The following SERINC5 variants were observed in gnomAD, a reference collection of about 807,000 sequenced individuals.
SERINC5 encodes the protein chromosome 5 open reading frame 12.
Under a neutral mutation model 63.1 loss-of-function variants are expected in SERINC5, and 41 were observed. The observed-to-expected ratio is 0.65, with a 90% CI of 0.51 to 0.84. The LOEUF is 0.84. Among genes scored for constraint, SERINC5 ranks in the 40% least tolerant of loss-of-function variants. The pLI, the probability that SERINC5 is intolerant of heterozygous loss-of-function variation, is 0.00. For missense variants in SERINC5, 523 were observed against 573.0 expected, an observed-to-expected ratio of 0.91 and a Z score of 0.89; for synonymous variants, 222 against 215.2, an observed-to-expected ratio of 1.03 and a Z score of -0.28.
In SERINC5 at chr5:80,223,643, G is replaced by A. The variant is rs772902454; in HGVS notation, c.28-20590C>T. Among the ~76,000 whole-genome samples the A allele has an allele frequency of 6.7e-4, 102 of 152,064 alleles. 2 individuals are homozygous for A. Among genetic ancestry groups the A allele is most frequent in the Admixed American group, 7.9e-4 (12 of 15,252 alleles). ...CCTGAGAGCAAGTTCGAGGGTCAAA[G>A]TTCTAATTAAATTAAAATAAAATGC... On this transcript the variant is annotated intron_variant, in intron 1 of 11. Coordinates refer to ENST00000507668, the MANE Select transcript of SERINC5 (RefSeq NM_001174072.3).
chr5:80,148,189 C>CTTTTTTTTTTT (rs796769914), intron 9 of SERINC5, among the ~76,000 whole-genome samples: 1,401 of 102,132 alleles, frequency 0.014, 57 homozygotes, highest in African/African-American at 0.022. Context: ...ATTTTTTATT[C>CTTTTTTTTTTT]TTTTTTTTTT....
intron 6 of SERINC5, chr5:80,166,713 GT>G (rs1304199540): frequency 2.7e-6 from 1 of 374,400 alleles, no homozygotes; most frequent in African/African-American, 2.1e-5. Context: ...GTTCTGCCAA[GT>G]TATCTACCAA....
rs531051980 is a variant in SERINC5, at chr5:80,189,084, C to A, written c.196-11020G>T. On this transcript the variant is annotated intron_variant, in intron 2 of 11. Transcript: ENST00000507668. ...CTTATTATGTGTATCTCTCTGTTCA[C>A]ATGTAAAGTGTTGAGAAGGACAGAA... 1.4e-4 allele frequency among the ~76,000 whole-genome samples: 21 copies of A among 152,116 alleles called. No homozygotes were observed. The South Asian group carries it at 2.3e-3, about 17-fold the overall frequency.
At chr5:80,131,889 G>T (rs1744962485) in intron 11 of SERINC5, among the ~76,000 whole-genome samples, 1 of 152,102 alleles carries the variant, frequency 6.6e-6, no homozygotes, top group African/African-American at 2.4e-5. Context: ...ACTAGATTCT[G>T]TAATACTGTA....
chr5:80,128,810 G>A (rs1221845237), intron 11 of SERINC5: 1 of 152,066 alleles, frequency 6.6e-6, no homozygotes, highest in African/African-American at 2.4e-5. Flanking sequence ...GTTGCAGACT[G>A]GAACATTATA....
intron 2 of SERINC5, among the ~76,000 whole-genome samples, chr5:80,200,322 C>CAAA (rs11397908): frequency 0.12 from 15,692 of 136,056 alleles, 952 homozygotes; most frequent in East Asian, 0.16. Flanking sequence ...CTAAAAAATA[C>CAAA]AAAAAAAAAA....
intron 2 of SERINC5, among the ~76,000 whole-genome samples, chr5:80,194,433 G>C (rs567247397): frequency 6.6e-6 from 1 of 152,326 alleles, no homozygotes; most frequent in South Asian, 2.1e-4. Flanking sequence ...AAACTGCACA[G>C]TATTTTGGAT....
downstream of SERINC5, among the ~76,000 whole-genome samples, chr5:80,134,460 T>C (rs574201300): frequency 6.6e-6 from 1 of 152,344 alleles, no homozygotes; most frequent in South Asian, 2.1e-4. Context: ...CACTCCAGCC[T>C]GGGTGATAGA....
intron 7 of SERINC5, among the ~76,000 whole-genome samples, chr5:80,159,645 C>G (rs1455933347): frequency 6.6e-6 from 1 of 152,152 alleles, no homozygotes; most frequent in Non-Finnish European, 1.5e-5. Context: ...GATTAGAGGG[C>G]TGGGACTTTC....
At chr5:80,201,954 C>T (rs1347039178) in intron 2 of SERINC5, among the ~76,000 whole-genome samples, 1 of 152,144 alleles carries the variant, frequency 6.6e-6, no homozygotes, top group African/African-American at 2.4e-5. Context: ...TCCTGGCAGG[C>T]GGCCAGGCAC....
intron 1 of SERINC5, 90 bp downstream of exon 1, chr5:80,255,806 G>C: frequency 7.2e-7 from 1 of 1,383,800 alleles, no homozygotes; most frequent in South Asian, 1.2e-5. Context: ...CCGCGGAGCT[G>C]GGAGCGCACC....
intron 5 of SERINC5, 56 bp downstream of exon 5, chr5:80,174,898 G>A (rs2112406000): frequency 7.8e-7 from 1 of 1,284,476 alleles, no homozygotes; most frequent in East Asian, 2.5e-5. Flanking sequence ...TACAGCCTTG[G>A]TCAAAACTGG....
intron 6 of SERINC5, among the ~76,000 whole-genome samples, chr5:80,167,569 T>C (rs1436785688): frequency 6.6e-6 from 1 of 152,210 alleles, no homozygotes; most frequent in Non-Finnish European, 1.5e-5. Context: ...TTTATATTCT[T>C]TTGGGTATAT....
At chr5:80,185,659 A>G (rs1748748792) in intron 2 of SERINC5, among the ~76,000 whole-genome samples, 2 of 151,982 alleles carry the variant, frequency 1.3e-5, no homozygotes, top group Non-Finnish European at 1.5e-5. Context: ...GGTAAAGGAA[A>G]ATTACAGTCA....
chr5:80,196,823 C>T (rs747438220), intron 2 of SERINC5, among the ~76,000 whole-genome samples: 2 of 151,736 alleles, frequency 1.3e-5, no homozygotes, highest in Non-Finnish European at 2.9e-5. Context: ...GCCTGTAATC[C>T]CAGCTACTCA....
intron 11 of SERINC5, among the ~76,000 whole-genome samples, chr5:80,127,683 CTT>C (rs1214077086): frequency 1.3e-5 from 2 of 152,116 alleles, no homozygotes; most frequent in South Asian, 2.1e-4. Context: ...AGACTTTAAA[CTT>C]GTGTTAATTT....
intron 1 of SERINC5, among the ~76,000 whole-genome samples, chr5:80,211,146 A>G (rs974472693): frequency 6.6e-6 from 1 of 152,204 alleles, no homozygotes; most frequent in African/African-American, 2.4e-5. Flanking sequence ...GAGGAGAGAA[A>G]AGCAACCAAA....
At chr5:80,210,629 C>T (rs1308848672) in intron 1 of SERINC5, among the ~76,000 whole-genome samples, 4 of 152,156 alleles carry the variant, frequency 2.6e-5, no homozygotes, top group African/African-American at 9.7e-5. Flanking sequence ...CATGCACACA[C>T]ACACAACACA....
At chr5:80,182,303 G>A (rs1044177437) in intron 2 of SERINC5, among the ~76,000 whole-genome samples, 2 of 152,142 alleles carry the variant, frequency 1.3e-5, no homozygotes, top group African/African-American at 2.4e-5. Context: ...TCTTCTTTGC[G>A]TATTTCAAGC....
Sources: gnomAD v4.1 joint callset for allele counts (sites outside exome capture counted in the v4.1 genomes callset) on GRCh38, gnomAD v4.1.1 for gene constraint, MANE v1.5 for transcripts, NCBI Gene and HGNC (gene_info 2026-07-23, HGNC 2026-07-21) for gene names.